Variants in ARHGAP6 observed in about 807,000 individuals in gnomAD.
ARHGAP6 encodes Rho GTPase activating protein 6, also known as rho GTPase-activating protein 6.
In ARHGAP6, 16 loss-of-function variants were observed where a neutral mutation model predicts 55.7. The observed-to-expected ratio is 0.29, with a 90% CI of 0.19 to 0.44. The LOEUF (loss-of-function observed/expected upper bound fraction) is 0.44. Ranked by LOEUF, ARHGAP6 falls within the 20% of genes least tolerant of loss-of-function variation. ARHGAP6 has a pLI of 1.00. For synonymous variants in ARHGAP6, 382 were observed against 360.9 expected, an observed-to-expected ratio of 1.06 and a Z score of -0.66; for missense variants, 698 against 808.9, an observed-to-expected ratio of 0.86 and a Z score of 1.66.
intron 1 of ARHGAP6, among the ~76,000 whole-genome samples, chrX:11,369,079 G>A (rs1236571759): frequency 2.7e-5 from 3 of 111,387 alleles, no homozygotes; most frequent in Middle Eastern, 4.7e-3. Context: ...CTATTCTCCC[G>A]GGTCCCTTGA....
At position 11,138,055 on chromosome X, in the gene ARHGAP6, A is replaced by G. The variant is rs1427458719; in HGVS notation, c.*808T>C. The G allele has an allele frequency of 8.9e-6, 1 of 112,025 alleles. No homozygotes were observed. Among genetic ancestry groups the G allele is most frequent in the Non-Finnish European group, 1.9e-5 (1 of 53,237 alleles). 9.2% of individuals were successfully genotyped at this position (112,025 alleles called of 1,213,427 possible). A position where few individuals can be genotyped will look rare whatever the true frequency, so the allele number is the denominator to read the frequency against. ...ATTATACATTATAAATATATATTAT[A>G]TATGGCCTATATAAAACTGAATTTG... On this transcript the variant is annotated 3_prime_UTR_variant, in exon 13 of 13. Coordinates refer to ENST00000337414, the MANE Select transcript of ARHGAP6 (RefSeq NM_013427.3).
At chrX:11,430,376 G>GT (rs2049929990) in intron 1 of ARHGAP6, among the ~76,000 whole-genome samples, 1 of 112,344 alleles carries the variant, frequency 8.9e-6, no homozygotes, top group African/African-American at 3.2e-5. Context: ...CAATAGGATT[G>GT]TTTTTTCTCT....
At chrX:11,315,663 C>T (rs1215607558) in intron 1 of ARHGAP6, among the ~76,000 whole-genome samples, 1 of 111,958 alleles carries the variant, frequency 8.9e-6, no homozygotes, top group African/African-American at 3.2e-5. Flanking sequence ...AAAACAAAAA[C>T]AAAACAACCA....
At chrX:11,584,795 C>A (rs2051707466) in intron 1 of ARHGAP6, among the ~76,000 whole-genome samples, 1 of 105,532 alleles carries the variant, frequency 9.5e-6, no homozygotes, top group Admixed American at 1.0e-4. Context: ...AGTGTTATGA[C>A]TATAATAACT....
intron 1 of ARHGAP6, among the ~76,000 whole-genome samples, chrX:11,493,473 C>T (rs917289224): frequency 8.9e-6 from 1 of 111,861 alleles, no homozygotes; most frequent in Non-Finnish European, 1.9e-5. Flanking sequence ...TGGCACAATT[C>T]ATGGTGGCCA....
chrX:11,600,702 C>G (rs1423251223), intron 1 of ARHGAP6, among the ~76,000 whole-genome samples: 1 of 112,474 alleles, frequency 8.9e-6, no homozygotes, highest in Admixed American at 9.4e-5. Context: ...GTGTTCTATA[C>G]TATCGCCCAA....
At chrX:11,360,992 T>G (rs1408728736) in intron 1 of ARHGAP6, among the ~76,000 whole-genome samples, 3 of 110,639 alleles carry the variant, frequency 2.7e-5, no homozygotes, top group Non-Finnish European at 3.8e-5. Context: ...CACTGCTCAA[T>G]GAAATAAAAG....
chrX:11,195,959 CAAAAAAAAAAAAAAA>C (rs1024986729), intron 3 of ARHGAP6, among the ~76,000 whole-genome samples: 1 of 8,413 alleles, frequency 1.2e-4, no homozygotes, highest in Admixed American at 2.5e-3. Flanking sequence ...ACTAAAAATA[CAAAAAAAAAAAAAAA>C]AAAAAAAAAA....
intron 2 of ARHGAP6, among the ~76,000 whole-genome samples, chrX:11,227,834 C>T (rs1345375217): frequency 4.6e-5 from 5 of 108,100 alleles, no homozygotes; most frequent in Non-Finnish European, 9.6e-5. Context: ...AATCTTGTGC[C>T]AACTAAGTCG....
At chrX:11,333,392 A>C (rs935476546) in intron 1 of ARHGAP6, among the ~76,000 whole-genome samples, 5 of 111,817 alleles carry the variant, frequency 4.5e-5, no homozygotes, top group African/African-American at 1.6e-4. Context: ...TGCCATGTGA[A>C]GAAGGACTTG....
At chrX:11,662,553 A>C (rs1204732915) in intron 1 of ARHGAP6, among the ~76,000 whole-genome samples, 1 of 112,377 alleles carries the variant, frequency 8.9e-6, no homozygotes, top group Non-Finnish European at 1.9e-5. Context: ...ATGGAATAGA[A>C]GCCACCCAGT....
chrX:11,258,060 A>G (rs1275973033), intron 1 of ARHGAP6, among the ~76,000 whole-genome samples: 2 of 111,625 alleles, frequency 1.8e-5, no homozygotes, highest in Non-Finnish European at 3.8e-5. Context: ...TCTGTTGGCA[A>G]TGCAAACCAG....
At chrX:11,628,623 A>G (rs2052326344) in intron 1 of ARHGAP6, among the ~76,000 whole-genome samples, 1 of 112,405 alleles carries the variant, frequency 8.9e-6, no homozygotes, top group African/African-American at 3.2e-5. Context: ...ACCATTCACA[A>G]TTTTAGGTAC....
intron 1 of ARHGAP6, among the ~76,000 whole-genome samples, chrX:11,569,844 T>G (rs1310491349): frequency 1.8e-5 from 2 of 112,385 alleles, no homozygotes; most frequent in Non-Finnish European, 3.8e-5. Flanking sequence ...GGCATTTCTG[T>G]TGCTGCCACA....
chrX:11,543,116 C>CA (rs1031231641), intron 1 of ARHGAP6, among the ~76,000 whole-genome samples: 5 of 111,723 alleles, frequency 4.5e-5, no homozygotes, highest in African/African-American at 1.6e-4. Flanking sequence ...GTGGATTTTA[C>CA]AAAAAATGTT....
At chrX:11,154,591 G>C (rs1462360507) in intron 10 of ARHGAP6, among the ~76,000 whole-genome samples, 1 of 112,157 alleles carries the variant, frequency 8.9e-6, no homozygotes, top group African/African-American at 3.2e-5. Flanking sequence ...TCAAAAGTGT[G>C]TGTTTTGTAG....
At position 11,343,728 on chromosome X, in the gene ARHGAP6, C is replaced by A. The variant is rs1053339077; in HGVS notation, c.589-89021G>T. On this transcript the variant is annotated intron_variant, in intron 1 of 12. Coordinates refer to ENST00000337414, the MANE Select transcript of ARHGAP6 (RefSeq NM_013427.3). ...TTTTAACAAGCCCTCTAGGTGACTT[C>A]AATGCACTCTCAAGTTTGAAATCCA... 1.6e-4 allele frequency among the ~76,000 whole-genome samples: 18 copies of A among 111,607 alleles called. 1 individual carries two copies. The highest frequency in any genetic ancestry group is 4.6e-3 in the Middle Eastern group (1 of 216).
At chrX:11,589,715 A>G (rs1307595230) in intron 1 of ARHGAP6, among the ~76,000 whole-genome samples, 1 of 111,593 alleles carries the variant, frequency 9.0e-6, no homozygotes, top group Non-Finnish European at 1.9e-5. Context: ...AGGCTGATAC[A>G]GGAGAGTGAC....
In ARHGAP6 at chrX:11,644,108, G is replaced by A. The variant is rs368145860; in HGVS notation, c.588+20133C>T. Reference sequence around the variant, plus strand: ...TAGGTAATTCAATGTTGTACTTTAGGTTCTTAGAAGCTAACTCCACCTAAT... The same window carrying A: ...TAGGTAATTCAATGTTGTACTTTAGATTCTTAGAAGCTAACTCCACCTAAT... On this transcript the variant is annotated intron_variant, in intron 1 of 12. Coordinates refer to ENST00000337414, the MANE Select transcript of ARHGAP6 (RefSeq NM_013427.3). Among the ~76,000 whole-genome samples the A allele has an allele frequency of 9.0e-5, 10 of 111,269 alleles. No homozygotes were observed. In the South Asian group the frequency reaches 1.5e-3, roughly 17 times the overall value.
Sources: allele counts gnomAD v4.1 joint callset (sites outside exome capture counted in the v4.1 genomes callset), GRCh38; gene constraint gnomAD v4.1.1; transcripts MANE v1.5; gene names NCBI Gene and HGNC (gene_info 2026-07-23, HGNC 2026-07-21).